FAT1: variants seen among roughly 807,000 people sequenced by gnomAD.
The protein encoded by FAT1 is FAT atypical cadherin 1, also known as protocadherin Fat 1.
In FAT1, 171 loss-of-function variants were observed where a neutral mutation model predicts 329.8. The ratio of observed to expected loss-of-function variants is 0.52; its 90% CI spans 0.46 to 0.59. FAT1 has a LOEUF of 0.59. Ranked by LOEUF, FAT1 falls within the 20% of genes least tolerant of loss-of-function variation. The pLI is 0.00. For synonymous variants in FAT1, 2,233 were observed against 2,228.6 expected, an observed-to-expected ratio of 1.00 and a Z score of -0.06; for missense variants, 5,672 against 5,774.4, an observed-to-expected ratio of 0.98 and a Z score of 0.57.
chr4:186,628,612 G>A lies in FAT1; in HGVS notation c.4475C>T (p.Thr1492Ile), dbSNP rs181526716. 6.2e-7 allele frequency: 1 copy of A among 1,614,014 alleles called. No individual in the cohort carries two copies. Among genetic ancestry groups the A allele is most frequent in the Non-Finnish European group, 8.5e-7 (1 of 1,179,894 alleles). The change falls in exon 8 of 27, where the codon ACT becomes ATT. Residue 1492 changes from threonine to isoleucine, a missense_variant. This residue lies in a region of FAT1 where 3,966 missense variants were observed against 3,915.2 expected (regional missense o/e 1.01). Transcript: ENST00000441802. ...CAGTGGATCTCTACTGCTCTGCAGA[G>A]TGTAGATTAGTTTGTTTTTCTCATC... ...DQDEKNKLIYTLQSSRDPLSL... is the reference protein window; with the variant it reads ...DQDEKNKLIYILQSSRDPLSL...
intron 2 of FAT1, among the ~76,000 whole-genome samples, chr4:186,701,104 A>C (rs1744289941): frequency 6.6e-6 from 1 of 152,256 alleles, no homozygotes; most frequent in Non-Finnish European, 1.5e-5. Flanking sequence ...TCAGTAACGC[A>C]TCAACGTGGT....
intron 3 of FAT1, among the ~76,000 whole-genome samples, chr4:186,646,832 G>A (rs577822402): frequency 2.0e-5 from 3 of 152,154 alleles, no homozygotes; most frequent in African/African-American, 7.2e-5. Context: ...TTGGCTCAGC[G>A]GGCGACGAAG....
In FAT1 at chr4:186,699,156, T is replaced by C. The variant is rs139433704; in HGVS notation, c.3265+7407A>G. Among the ~76,000 whole-genome samples, 442 of 152,278 alleles carry C rather than the reference T, an allele frequency of 2.9e-3. 12 individuals are homozygous for C. The highest frequency in any genetic ancestry group is 0.027 in the Admixed American group (412 of 15,304). On this transcript the variant is annotated intron_variant, in intron 2 of 26. Coordinates refer to ENST00000441802, the MANE Select transcript of FAT1 (RefSeq NM_005245.4). ...TCACTAAACGTTAACTATAATTACA[T>C]GCTGATGATGATTAAGAAGAAAAAG...
intron 14 of FAT1, 135 bp downstream of exon 14, chr4:186,611,250 TA>T: frequency 1.4e-6 from 1 of 711,628 alleles, no homozygotes; most frequent in Non-Finnish European, 2.2e-6. Flanking sequence ...TGTAAATAAC[TA>T]AAAGAAAACT....
At chr4:186,662,911 A>C (rs1376180030) in intron 3 of FAT1, among the ~76,000 whole-genome samples, 2 of 151,654 alleles carry the variant, frequency 1.3e-5, no homozygotes, top group Admixed American at 1.3e-4. Context: ...ATCTCGGCTC[A>C]CTGCAAGCTC....
At chr4:186,594,114 G>A (rs1738376577) in intron 26 of FAT1, among the ~76,000 whole-genome samples, 1 of 151,878 alleles carries the variant, frequency 6.6e-6, no homozygotes, top group Non-Finnish European at 1.5e-5. Flanking sequence ...CGCCCAGGCT[G>A]GAGTGCAGTG....
At chr4:186,684,807 T>C (rs1743388942) in intron 2 of FAT1, among the ~76,000 whole-genome samples, 1 of 152,082 alleles carries the variant, frequency 6.6e-6, no homozygotes, top group Non-Finnish European at 1.5e-5. Flanking sequence ...CACCTCTGGA[T>C]AGGGCGTAAC....
At position 186,707,369 on chromosome 4, in the gene FAT1, GGT is replaced by G; in HGVS notation, c.2457_2458del (p.Pro820ArgfsTer13). The G allele has an allele frequency of 6.2e-7, 1 of 1,613,874 alleles. No individual in the cohort carries two copies. The highest frequency in any genetic ancestry group is 8.5e-7 in the Non-Finnish European group (1 of 1,179,880). ...AAAATAGCTCTCCTGTAAAAACTCG[GGT>G]GGATTATCATTGGCATCGACAACCA... On this transcript the variant is annotated frameshift_variant, in exon 2 of 27. Transcript: ENST00000441802. LOFTEE classifies it high-confidence loss of function.
intron 2 of FAT1, among the ~76,000 whole-genome samples, chr4:186,685,532 G>A (rs188047254): frequency 3.3e-4 from 50 of 152,260 alleles, no homozygotes; most frequent in African/African-American, 7.9e-4. Context: ...TAAGGATTAC[G>A]CAGTCAGTAT....
chr4:186,589,004 G>A lies in FAT1; in HGVS notation c.13355C>T (p.Pro4452Leu), dbSNP rs932754737. Residue 4452 changes from proline (P) to leucine (L), a missense_variant, in exon 27 of 27, where the codon CCG becomes CTG. Pro to Leu is a moderately conservative substitution (Grantham distance 98). Transcript: ENST00000441802. ...FPAADELPPL[P>L]PEFSNQFESI... is the part of the protein sequence containing the mutation. ...TTCAAACTGATTGCTGAATTCGGGC[G>A]GTAACGGTGGTAGCTCATCAGCTGC... is the stretch of plus-strand genomic sequence containing the variant. 5 of 1,613,860 alleles carry A rather than the reference G, an allele frequency of 3.1e-6. No homozygotes were observed. Among genetic ancestry groups the A allele is most frequent in the Non-Finnish European group, 4.2e-6 (5 of 1,179,896 alleles).
At chr4:186,645,924 T>C (rs1348367999) in intron 3 of FAT1, among the ~76,000 whole-genome samples, 1 of 133,712 alleles carries the variant, frequency 7.5e-6, no homozygotes, top group Non-Finnish European at 1.5e-5. Context: ...TGAGCTTAGG[T>C]TACAGAGTGA....
rs1738943675 is a variant in FAT1, at chr4:186,603,723, T to A, written c.10803A>T (p.Ala3601=). 6.2e-7 allele frequency: 1 copy of A among 1,613,972 alleles called. No homozygotes were observed. The highest frequency in any genetic ancestry group is 1.7e-5 in the Admixed American group (1 of 60,020). The change falls in exon 19 of 27, where the codon GCA becomes GCT. Residue 3601 remains alanine, a synonymous_variant. Coordinates refer to ENST00000441802, the MANE Select transcript of FAT1 (RefSeq NM_005245.4). ...SVSSTGGKLI[A]HKKLDIGQYL... is the part of the protein sequence containing the mutation. ...ATTGCCCTATGTCTAGCTTTTTGTG[T>A]GCTATCAGCTTGCCCCCTGTGCTGG...
At position 186,707,109 on chromosome 4, in the gene FAT1, G is replaced by A. The variant is rs752383782; in HGVS notation, c.2719C>T (p.Leu907=). The change falls in exon 2 of 27, where the codon CTG becomes TTG. Residue 907 remains leucine, a synonymous_variant. Coordinates refer to ENST00000441802, the MANE Select transcript of FAT1 (RefSeq NM_005245.4). ...ACTTTCACAACGACAGTGGAGAACA[G>A]CTGAGGCTCTTCTCTGGCTTGGTCC... ...ARDQAREEPQ[L]FSTVVVKVSL... is the part of the protein sequence containing the mutation. 7 of 1,614,014 alleles carry A rather than the reference G, an allele frequency of 4.3e-6. No homozygotes were observed. In the South Asian group the frequency reaches 7.7e-5, roughly 18 times the overall value.
In FAT1 at chr4:186,613,329, C is replaced by T. The variant is rs780833657; in HGVS notation, c.9243G>A (p.Thr3081=). The change falls in exon 13 of 27, where the codon ACG becomes ACA. Residue 3081 remains threonine, a synonymous_variant. Coordinates refer to ENST00000441802, the MANE Select transcript of FAT1 (RefSeq NM_005245.4). The part of the protein sequence containing the change: ...KLNPDTGELK[T]STPLDREEQA... The stretch of plus-strand genomic sequence containing the variant: ...GCTCCTCACGATCAAGGGGGGTTGA[C>T]GTTTTCAGTTCACCTACAAACAAAA... 3.3e-5 allele frequency: 54 copies of T among 1,613,690 alleles called. No individual in the cohort carries two copies. The Admixed American group carries it at 3.8e-4, about 11-fold the overall frequency.
rs763373898 is a variant in FAT1 at position 186,597,690 on chromosome 4, C to T, written c.12360G>A (p.Arg4120=). 1 of 1,613,432 alleles carries T rather than the reference C, an allele frequency of 6.2e-7. No homozygotes were observed. Among genetic ancestry groups the T allele is most frequent in the Non-Finnish European group, 8.5e-7 (1 of 1,179,488 alleles). ...TGAAAGAAACCATTTACCTTTCTCC[C>T]CTAAAACCCGAATCACACTGACAAA... is the stretch of plus-strand genomic sequence containing the variant. ...GAVCQCDSGF[R]GERCQSDIDE... Residue 4120 remains arginine, a synonymous_variant, in exon 24 of 27, where the codon AGG becomes AGA. Coordinates refer to ENST00000441802, the MANE Select transcript of FAT1 (RefSeq NM_005245.4).
intron 2 of FAT1, among the ~76,000 whole-genome samples, chr4:186,688,442 A>C (rs1416566461): frequency 6.6e-6 from 1 of 152,106 alleles, no homozygotes. Flanking sequence ...GTCCTTTCAC[A>C]GGGGCTTCGG....
chr4:186,677,876 ATTGG>A (rs1162115254), intron 2 of FAT1, among the ~76,000 whole-genome samples: 1 of 152,188 alleles, frequency 6.6e-6, no homozygotes, highest in African/African-American at 2.4e-5. Context: ...ATAAGAATAG[ATTGG>A]CAAGTCTCAA....
At chr4:186,668,009 T>C (rs570636250) in intron 2 of FAT1, among the ~76,000 whole-genome samples, 1 of 152,106 alleles carries the variant, frequency 6.6e-6, no homozygotes, top group African/African-American at 2.4e-5. Flanking sequence ...ACAAGGAGTT[T>C]CCCAGTGTGG....
intron 1 of FAT1, among the ~76,000 whole-genome samples, chr4:186,711,071 A>T (rs145424550): frequency 1.3e-5 from 2 of 152,232 alleles, no homozygotes; most frequent in African/African-American, 4.8e-5. Flanking sequence ...TCAAATTAAT[A>T]TTCACAAAAT....
Sources: gnomAD v4.1 joint callset for allele counts (sites outside exome capture counted in the v4.1 genomes callset) on GRCh38, gnomAD v4.1.1 for gene constraint, gnomAD v4.1.1 regional missense constraint, MANE v1.5 for transcripts, NCBI Gene and HGNC (gene_info 2026-07-23, HGNC 2026-07-21) for gene names.